The following RPS7 variants were observed in gnomAD, a reference collection of about 807,000 sequenced individuals.
The protein encoded by RPS7 is ribosomal protein S7, also known as small ribosomal subunit protein eS7.
Under a neutral mutation model 22.1 loss-of-function variants are expected in RPS7, and 1 was observed. That is an observed-to-expected ratio of 0.05 (90% CI 0.02 to 0.21). The LOEUF (loss-of-function observed/expected upper bound fraction) is 0.21. Ranked by LOEUF, RPS7 falls within the 10% of genes least tolerant of loss-of-function variation. The pLI, the probability that RPS7 is intolerant of heterozygous loss-of-function variation, is 1.00. For missense variants in RPS7, 137 were observed against 246.4 expected (o/e 0.56, Z 2.97); for synonymous variants, 80 against 92.0 (o/e 0.87, Z 0.74).
Position 3,577,784 on chromosome 2 carries a change from T to A in RPS7, c.356+10T>A. ...AAAAGCGTCCCAGGAGGTGAGTATT[T>A]TAGTAGTTTCAGAAATGTGTGTACC... On this transcript the variant is annotated intron_variant, in intron 5 of 6. Transcript: ENST00000645674. The A allele has an allele frequency of 6.3e-7, 1 of 1,594,230 alleles. No individual in the cohort carries two copies. The highest frequency in any genetic ancestry group is 8.6e-7 in the Non-Finnish European group (1 of 1,162,144).
At position 3,576,062 on chromosome 2, in the gene RPS7, G is replaced by T; in HGVS notation, c.147+174G>T. 6.0e-6 allele frequency: 4 copies of T among 662,468 alleles called. 1 individual carries two copies. Among genetic ancestry groups the T allele is most frequent in the Middle Eastern group, 4.1e-4 (1 of 2,458 alleles). The allele number at this position is 662,468 out of a possible 1,614,324, so 41.0% of individuals were successfully genotyped here. ...GATACCGCCCAGGTGCGGGGAGTGG[G>T]GTTGCAGGTACCCTGCGGCTTAAGC... On this transcript the variant is annotated intron_variant, in intron 3 of 6. Transcript: ENST00000645674.
chr2:3,575,991 C>T (rs1661268782), intron 3 of RPS7, 103 bp downstream of exon 3: 4 of 851,858 alleles, frequency 4.7e-6, no homozygotes, highest in South Asian at 2.9e-5. Context: ...GACTTGCCGC[C>T]TGGCCGCCTA....
chr2:3,576,060 G>C, intron 3 of RPS7, 172 bp downstream of exon 3: 1 of 662,942 alleles, frequency 1.5e-6, no homozygotes, highest in Non-Finnish European at 2.8e-6. Context: ...TGCGGGGAGT[G>C]GGGTTGCAGG....
At chr2:3,579,958 G>T in intron 5 of RPS7, 152 bp from the exon 6 acceptor site, 1 of 768,500 alleles carries the variant, frequency 1.3e-6, no homozygotes. Flanking sequence ...AGTTTGGTAC[G>T]TGAAATATAA....
At chr2:3,577,399 A>G in intron 4 of RPS7, 2 of 346,128 alleles carry the variant, frequency 5.8e-6, no homozygotes, top group Non-Finnish European at 1.1e-5. Flanking sequence ...TCTATGGGGA[A>G]TGAAGTGCCA....
At position 3,575,265 on chromosome 2, in the gene RPS7, G is replaced by C. The variant is rs371620447; in HGVS notation, c.-104G>C. On this transcript the variant is annotated 5_prime_UTR_variant, in exon 1 of 7. Coordinates refer to ENST00000645674, the MANE Select transcript of RPS7 (RefSeq NM_001011.4). The stretch of plus-strand genomic sequence containing the variant: ...TTCCGGTTTCCGCCCTCCTCCTCGC[G>C]CTGTTTCCGCCTCTTGCCTTCGGAC... 4 of 377,726 alleles carry C rather than the reference G, an allele frequency of 1.1e-5. No individual in the cohort carries two copies. The highest frequency in any genetic ancestry group is 1.5e-5 in the Non-Finnish European group (3 of 206,440). 23.4% of individuals were successfully genotyped at this position (377,726 alleles called of 1,614,324 possible).
intron 5 of RPS7, chr2:3,579,755 G>T (rs898450546): frequency 2.7e-6 from 1 of 366,280 alleles, no homozygotes; most frequent in Non-Finnish European, 5.2e-6. Flanking sequence ...AAAGGTTATT[G>T]TAGTGATTTA....
At chr2:3,578,507 A>C (rs1460578931) in intron 5 of RPS7, 1 of 152,224 alleles carries the variant, frequency 6.6e-6, no homozygotes, top group Non-Finnish European at 1.5e-5. Context: ...AGCTAGTACT[A>C]GTAGTGCTAA....
At chr2:3,575,940 G>T (rs1452399886) in intron 3 of RPS7, 52 bp downstream of exon 3, 2 of 1,316,534 alleles carry the variant, frequency 1.5e-6, no homozygotes, top group South Asian at 1.2e-5. Flanking sequence ...GTCTCCCCGC[G>T]CAGTGCCTGA....
rs61732234 is a variant in RPS7, at chr2:3,575,840, C to T, written c.99C>T (p.Asn33=). Residue 33 remains asparagine (N), a synonymous_variant, in exon 3 of 7, where the codon AAC becomes AAT. Coordinates refer to ENST00000645674, the MANE Select transcript of RPS7 (RefSeq NM_001011.4). ...ISQALLELEM[N]SDLKAQLREL... is the part of the protein sequence containing the mutation. Reference sequence around the variant, plus strand: ...AGGCTCTTCTGGAGCTGGAGATGAACTCGGACCTCAAGGCTCAGCTCAGGG... The same window carrying T: ...AGGCTCTTCTGGAGCTGGAGATGAATTCGGACCTCAAGGCTCAGCTCAGGG... The T allele has an allele frequency of 4.9e-5, 79 of 1,612,026 alleles. No homozygotes were observed. The Admixed American group carries it at 1.3e-3, about 26-fold the overall frequency.
Position 3,575,364 on chromosome 2 carries a change from C to G in RPS7, c.-19+14C>G, listed in dbSNP as rs1280030053. On this transcript the variant is annotated intron_variant, in intron 1 of 6. Coordinates refer to ENST00000645674, the MANE Select transcript of RPS7 (RefSeq NM_001011.4). ...GCGCTCGGCAAGGTAGGTTGGCGGCCTGCTCTCCGACAGAACTTTTCTTCT... is the reference window on the plus strand; with the variant it reads ...GCGCTCGGCAAGGTAGGTTGGCGGCGTGCTCTCCGACAGAACTTTTCTTCT... 3.6e-6 allele frequency: 2 copies of G among 550,836 alleles called. No individual in the cohort carries two copies. Among genetic ancestry groups the G allele is most frequent in the Admixed American group, 3.5e-5 (1 of 28,680 alleles). The allele number at this position is 550,836 out of a possible 1,614,324, so 34.1% of individuals were successfully genotyped here.
chr2:3,579,783 G>T, intron 5 of RPS7: 1 of 417,350 alleles, frequency 2.4e-6, no homozygotes, highest in Non-Finnish European at 4.4e-6. Context: ...AATAATACAA[G>T]TGAAAATAAA....
chr2:3,578,792 C>T (rs1197434078), intron 5 of RPS7: 1 of 152,148 alleles, frequency 6.6e-6, no homozygotes, highest in East Asian at 1.9e-4. Flanking sequence ...TAAGAACAGT[C>T]CCAGAGGACT....
At chr2:3,578,009 TC>T (rs1190345640) in intron 5 of RPS7, 11 of 558,230 alleles carry the variant, frequency 2.0e-5, no homozygotes, top group African/African-American at 1.9e-4. Context: ...TGAGATGATT[TC>T]CTCCGATTAT....
chr2:3,580,396 G>A, intron 6 of RPS7, 136 bp downstream of exon 6: 1 of 780,164 alleles, frequency 1.3e-6, no homozygotes, highest in Non-Finnish European at 2.3e-6. Flanking sequence ...ACTTCAGCCT[G>A]CTCTCCTTTG....
rs931435706 is a variant in RPS7, at chr2:3,575,339, G to C, written c.-30G>C. On this transcript the variant is annotated 5_prime_UTR_variant, in exon 1 of 7. Coordinates refer to ENST00000645674, the MANE Select transcript of RPS7 (RefSeq NM_001011.4). ...GAGATTTGGGTCTCTTCCTAAGCCGGCGCTCGGCAAGGTAGGTTGGCGGCC... is the reference window on the plus strand; with the variant it reads ...GAGATTTGGGTCTCTTCCTAAGCCGCCGCTCGGCAAGGTAGGTTGGCGGCC... The C allele has an allele frequency of 1.9e-6, 1 of 528,154 alleles. No individual in the cohort carries two copies. The highest frequency in any genetic ancestry group is 3.4e-6 in the Non-Finnish European group (1 of 297,522). The allele number at this position is 528,154 out of a possible 1,614,324, so 32.7% of individuals were successfully genotyped here. A position where few individuals can be genotyped will look rare whatever the true frequency, so the allele number is the denominator to read the frequency against.
Position 3,575,845 on chromosome 2 carries a change from A to G in RPS7, c.104A>G (p.Asp35Gly), listed in dbSNP as rs1247035747. ...CTTCTGGAGCTGGAGATGAACTCGG[A>G]CCTCAAGGCTCAGCTCAGGGAGCTG... ...QALLELEMNSDLKAQLRELNI... is the reference protein window; with the variant it reads ...QALLELEMNSGLKAQLRELNI... The change falls in exon 3 of 7, where the codon GAC becomes GGC. Residue 35 changes from aspartate to glycine, a missense_variant. By Grantham distance (94) the Asp-to-Gly change is moderately conservative (BLOSUM62 -1). Coordinates refer to ENST00000645674, the MANE Select transcript of RPS7 (RefSeq NM_001011.4). 1 of 1,612,020 alleles carries G rather than the reference A, an allele frequency of 6.2e-7. No individual in the cohort carries two copies.
chr2:3,575,872 A>G lies in RPS7; in HGVS notation c.131A>G (p.Asn44Ser). The change falls in exon 3 of 7, where the codon AAT (asparagine) becomes AGT (serine). Residue 44 changes from asparagine (N) to serine (S), a missense_variant. Asn to Ser is a conservative substitution (Grantham distance 46). Coordinates refer to ENST00000645674, the MANE Select transcript of RPS7 (RefSeq NM_001011.4). ...CTCAAGGCTCAGCTCAGGGAGCTGA[A>G]TATTACGGCAGCTAAGGTAAGCTGG... ...SDLKAQLRELNITAAKEIEVG... is the reference protein window; with the variant it reads ...SDLKAQLRELSITAAKEIEVG... 1 of 1,609,094 alleles carries G rather than the reference A, an allele frequency of 6.2e-7. No individual in the cohort carries two copies. Among genetic ancestry groups the G allele is most frequent in the Non-Finnish European group, 8.5e-7 (1 of 1,177,696 alleles).
intron 6 of RPS7, chr2:3,580,540 T>C: frequency 1.6e-6 from 1 of 625,684 alleles, no homozygotes; most frequent in Non-Finnish European, 2.8e-6. Flanking sequence ...GGGTGGGTGG[T>C]GATGGGATCA....
Sources: gnomAD v4.1 joint callset for allele counts on GRCh38, gnomAD v4.1.1 for gene constraint, MANE v1.5 for transcripts, NCBI Gene and HGNC (gene_info 2026-07-23, HGNC 2026-07-21) for gene names.